UGGT1: variants seen among roughly 807,000 people sequenced by gnomAD.
UGGT1 encodes the protein UDP-glucose:glycoprotein glucosyltransferase 1.
Under a neutral mutation model 203.9 loss-of-function variants are expected in UGGT1, and 107 were observed. That is an observed-to-expected ratio of 0.52 (90% CI 0.45 to 0.62). UGGT1 has a LOEUF of 0.62. Ranked by LOEUF, UGGT1 falls within the 20% of genes least tolerant of loss-of-function variation. The pLI is 0.00. For missense variants in UGGT1, 1,673 were observed against 1,867.2 expected (o/e 0.90, Z 1.92); for synonymous variants, 628 against 653.5 (o/e 0.96, Z 0.59).
intron 25 of UGGT1, 143 bp downstream of exon 25, chr2:128,161,411 C>T (rs775394801): frequency 2.0e-6 from 2 of 993,344 alleles, no homozygotes; most frequent in Non-Finnish European, 2.8e-6. Flanking sequence ...CTCTTCAATT[C>T]CAGTTTTAAT....
At chr2:128,148,413 T>C (rs1689795456) in intron 18 of UGGT1, among the ~76,000 whole-genome samples, 1 of 152,214 alleles carries the variant, frequency 6.6e-6, no homozygotes, top group African/African-American at 2.4e-5. Flanking sequence ...TTCTTTTTCA[T>C]GTGTGGCTTC....
chr2:128,159,400 G>A, intron 22 of UGGT1, 114 bp from the exon 23 acceptor site: 1 of 1,043,514 alleles, frequency 9.6e-7, no homozygotes, highest in Admixed American at 2.2e-5. Context: ...CGCCCGGCCT[G>A]AGACTTTTAA....
At chr2:128,098,733 A>AG (rs1468517708) in intron 2 of UGGT1, among the ~76,000 whole-genome samples, 2 of 149,836 alleles carry the variant, frequency 1.3e-5, no homozygotes, top group Admixed American at 1.3e-4. Context: ...TGGGCAGCAG[A>AG]GCAAGACTCC....
Position 128,120,227 on chromosome 2 carries a change from TC to T in UGGT1, c.873-124del, listed in dbSNP as rs1688312051. ...AGAGGAATAATTATACTTCATTTTTTCCCCCTATGTCGTAGAAAATTTCCTA... is the reference window on the plus strand; with the variant it reads ...AGAGGAATAATTATACTTCATTTTTTCCCCTATGTCGTAGAAAATTTCCTA... On this transcript the variant is annotated intron_variant, in intron 8 of 40. Coordinates refer to ENST00000259253, the MANE Select transcript of UGGT1 (RefSeq NM_020120.4). The T allele has an allele frequency of 1.5e-4, 103 of 707,218 alleles. 2 individuals are homozygous for T. The South Asian group carries it at 1.8e-3, about 13-fold the overall frequency. The allele number at this position is 707,218 out of a possible 1,614,324, so 43.8% of individuals were successfully genotyped here. A position where few individuals can be genotyped will look rare whatever the true frequency, so the allele number is the denominator to read the frequency against.
chr2:128,112,405 A>G (rs1350574788), intron 5 of UGGT1, among the ~76,000 whole-genome samples: 1 of 133,306 alleles, frequency 7.5e-6, no homozygotes, highest in African/African-American at 2.7e-5. Context: ...GAGCAACAGG[A>G]ATGAAACTCC....
At chr2:128,141,096 G>A (rs955467461) in intron 16 of UGGT1, among the ~76,000 whole-genome samples, 5 of 152,068 alleles carry the variant, frequency 3.3e-5, no homozygotes, top group African/African-American at 1.2e-4. Context: ...GGCCAAGGGA[G>A]GGAGATCACC....
In UGGT1 at chr2:128,172,808, C is replaced by T. The variant is rs372195369; in HGVS notation, c.3294+46C>T. ...TCCAAATACCTAATCATGTATAATA[C>T]AGCAGATTGAATCATAGTCTAGGTG... is the stretch of plus-strand genomic sequence containing the variant. On this transcript the variant is annotated intron_variant, in intron 29 of 40. Coordinates refer to ENST00000259253, the MANE Select transcript of UGGT1 (RefSeq NM_020120.4). 7.7e-4 allele frequency: 1,201 copies of T among 1,554,556 alleles called. 18 individuals are homozygous for T. In the South Asian group the frequency reaches 0.013, roughly 17 times the overall value.
intron 7 of UGGT1, among the ~76,000 whole-genome samples, chr2:128,115,433 T>A (rs1688053413): frequency 6.8e-6 from 1 of 148,002 alleles, no homozygotes. Flanking sequence ...TCTCTTCCAG[T>A]ATTGGGGAGG....
In UGGT1 at chr2:128,129,153, GT is replaced by G; in HGVS notation, c.1352del (p.Val451GlufsTer52). Reference protein sequence around the residue: ...NIQPSEADYAVDIRSPAISWV... With the variant: ...NIQPSEADYAXDIRSPAISWV... ...CCAGCCCTCTGAGGCAGACTATGCC[GT>G]AGACATCCGGAGTCCTGCTATTTCA... On this transcript the variant is annotated frameshift_variant, in exon 13 of 41. Transcript: ENST00000259253. LOFTEE classifies it high-confidence loss of function. 6.2e-7 allele frequency: 1 copy of G among 1,612,302 alleles called. No individual in the cohort carries two copies. Among genetic ancestry groups the G allele is most frequent in the Non-Finnish European group, 8.5e-7 (1 of 1,179,602 alleles).
At position 128,186,802 on chromosome 2, in the gene UGGT1, A is replaced by T; in HGVS notation, c.4476+3A>T. Reference sequence around the variant, plus strand: ...AAAGGGCAAAAACCATTGATTTGGTAAGCCGTATGTGGTGTGCTTCTGCAT... The same window carrying T: ...AAAGGGCAAAAACCATTGATTTGGTTAGCCGTATGTGGTGTGCTTCTGCAT... On this transcript the variant is annotated splice_donor_region_variant and intron_variant, in intron 39 of 40. Coordinates refer to ENST00000259253, the MANE Select transcript of UGGT1 (RefSeq NM_020120.4). The T allele has an allele frequency of 6.2e-7, 1 of 1,610,116 alleles. No homozygotes were observed. The highest frequency in any genetic ancestry group is 1.3e-5 in the African/African-American group (1 of 74,910).
Position 128,159,543 on chromosome 2 carries a change from G to A in UGGT1, c.2385G>A (p.Met795Ile), listed in dbSNP as rs762046225. 2 of 1,614,158 alleles carry A rather than the reference G, an allele frequency of 1.2e-6. No homozygotes were observed. Among genetic ancestry groups the A allele is most frequent in the South Asian group, 2.2e-5 (2 of 91,056 alleles). ...CCAGTAACAATGTTAGAATAAGCAT[G>A]ATCAATAATCCTGCCAAAGAGATAA... ...QKSSNNVRIS[M>I]INNPAKEISY... Residue 795 changes from methionine to isoleucine, a missense_variant, in exon 23 of 41, where the codon ATG becomes ATA. Met to Ile is a conservative substitution (Grantham distance 10). Around this residue, in one of 4 missense-constraint regions of UGGT1, gnomAD observed 1,073 missense variants for 1,078.7 expected, o/e 0.99. Transcript: ENST00000259253.
In UGGT1 at chr2:128,123,201, A is replaced by C. The variant is rs1688461563; in HGVS notation, c.1089A>C (p.Thr363=). ...ATTTCCTTAGAGCAATAACAAAAAC[A>C]GCTGTGAGCTCAGAACTTAGAACCG... ...FPTKARAITK[T]AVSSELRTEV... is the part of the protein sequence containing the mutation. The change falls in exon 11 of 41, where the codon ACA becomes ACC. Residue 363 remains threonine, a synonymous_variant. Coordinates refer to ENST00000259253, the MANE Select transcript of UGGT1 (RefSeq NM_020120.4). The C allele has an allele frequency of 6.2e-7, 1 of 1,613,494 alleles. No individual in the cohort carries two copies. Among genetic ancestry groups the C allele is most frequent in the South Asian group, 1.1e-5 (1 of 90,998 alleles).
chr2:128,146,625 G>A (rs1472670074), intron 18 of UGGT1, among the ~76,000 whole-genome samples: 1 of 151,644 alleles, frequency 6.6e-6, no homozygotes, highest in African/African-American at 2.4e-5. Context: ...TCTTTTGAAC[G>A]GTACAATTCA....
At chr2:128,129,221 G>A in intron 13 of UGGT1, 42 bp downstream of exon 13, 2 of 1,562,486 alleles carry the variant, frequency 1.3e-6, no homozygotes, top group Non-Finnish European at 1.7e-6. Context: ...TTCTGACCAG[G>A]AATCTTTTTT....
chr2:128,146,727 A>G (rs929036179), intron 18 of UGGT1, among the ~76,000 whole-genome samples: 6 of 152,192 alleles, frequency 3.9e-5, no homozygotes, highest in African/African-American at 1.4e-4. Context: ...CACATCCAGT[A>G]GCAATTACTC....
At chr2:128,091,668 C>A in intron 1 of UGGT1, 1 of 1,223,316 alleles carries the variant, frequency 8.2e-7, no homozygotes, top group Non-Finnish European at 1.1e-6. Flanking sequence ...GCTTTAGATC[C>A]TTGTGCCAAG....
chr2:128,176,751 G>C, intron 31 of UGGT1, 63 bp from the exon 32 acceptor site: 6 of 1,440,958 alleles, frequency 4.2e-6, no homozygotes, highest in African/African-American at 1.4e-5. Context: ...CAGATGCTCT[G>C]AGAGCATTTG....
In UGGT1 at chr2:128,109,568, T is replaced by G. The variant is rs1573506859; in HGVS notation, c.409-66T>G. ...TCATAATTTAATCACCTATTTTGAT[T>G]ATACATGTCTTTATCTCGTCTTTGG... On this transcript the variant is annotated intron_variant, in intron 4 of 40. Coordinates refer to ENST00000259253, the MANE Select transcript of UGGT1 (RefSeq NM_020120.4). The G allele has an allele frequency of 5.4e-5, 69 of 1,275,116 alleles. 1 individual carries two copies. The South Asian group carries it at 7.7e-4, about 14-fold the overall frequency. 79.0% of individuals were successfully genotyped at this position (1,275,116 alleles called of 1,614,324 possible).
At chr2:128,131,191 C>A (rs1167032255) in intron 13 of UGGT1, among the ~76,000 whole-genome samples, 4 of 141,432 alleles carry the variant, frequency 2.8e-5, no homozygotes, top group Non-Finnish European at 6.0e-5. Flanking sequence ...CGAGATCAAG[C>A]CACTGTACTC....
Sources: gnomAD v4.1 joint callset for allele counts (sites outside exome capture counted in the v4.1 genomes callset) on GRCh38, gnomAD v4.1.1 for gene constraint, gnomAD v4.1.1 regional missense constraint, MANE v1.5 for transcripts, NCBI Gene and HGNC (gene_info 2026-07-23, HGNC 2026-07-21) for gene names.